Variants in KCNIP1 observed in about 807,000 individuals in gnomAD.
KCNIP1 encodes potassium voltage-gated channel interacting protein 1, also known as A-type potassium channel modulatory protein KCNIP1.
Under a neutral mutation model 33.0 loss-of-function variants are expected in KCNIP1, and 18 were observed. The observed-to-expected ratio is 0.55, with a 90% CI of 0.38 to 0.81. The LOEUF (loss-of-function observed/expected upper bound fraction) is 0.81. Among genes scored for constraint, KCNIP1 ranks in the 30% least tolerant of loss-of-function variants. The pLI, the probability that KCNIP1 is intolerant of heterozygous loss-of-function variation, is 0.00. For synonymous variants in KCNIP1, 93 were observed against 98.3 expected, an observed-to-expected ratio of 0.95 and a Z score of 0.32; for missense variants, 238 against 271.6, an observed-to-expected ratio of 0.88 and a Z score of 0.87.
At chr5:170,539,404 G>T (rs114137839) in intron 1 of KCNIP1, among the ~76,000 whole-genome samples, 1 of 152,112 alleles carries the variant, frequency 6.6e-6, no homozygotes, top group African/African-American at 2.4e-5. Context: ...CACTGGCTGT[G>T]GCTTCCTTGC....
chr5:170,651,232 G>T (rs1581447722), intron 1 of KCNIP1, among the ~76,000 whole-genome samples: 2 of 152,296 alleles, frequency 1.3e-5, no homozygotes, highest in African/African-American at 4.8e-5. Context: ...GAGAGGCAGT[G>T]GGTACCCCTC....
intron 1 of KCNIP1, among the ~76,000 whole-genome samples, chr5:170,436,489 T>G (rs910273996): frequency 2.0e-5 from 3 of 152,206 alleles, no homozygotes; most frequent in Non-Finnish European, 4.4e-5. Flanking sequence ...TTCTCAGTCT[T>G]GGGTCAGCAC....
intron 1 of KCNIP1, among the ~76,000 whole-genome samples, chr5:170,538,249 C>T (rs1412587494): frequency 2.6e-5 from 4 of 152,186 alleles, no homozygotes; most frequent in Admixed American, 1.3e-4. Flanking sequence ...GAAGTGTCCT[C>T]CTCACAACTG....
rs184303782 is a variant in KCNIP1 at position 170,631,828 on chromosome 5, C to A, written c.62-86930C>A. Among the ~76,000 whole-genome samples, 6 of 152,330 alleles carry A rather than the reference C, an allele frequency of 3.9e-5. No individual in the cohort carries two copies. In the East Asian group the frequency reaches 1.2e-3, roughly 29 times the overall value. On this transcript the variant is annotated intron_variant, in intron 1 of 7. Coordinates refer to ENST00000328939, the MANE Select transcript of KCNIP1 (RefSeq NM_014592.4). ...ACTAGAGACCTGGGCCAGTCCTGAC[C>A]AGGGGAAAGAGTAGCGCCGACAACA...
intron 1 of KCNIP1, among the ~76,000 whole-genome samples, chr5:170,573,669 A>G (rs1466102270): frequency 6.6e-6 from 1 of 152,222 alleles, no homozygotes; most frequent in South Asian, 2.1e-4. Context: ...GAAAAATAAT[A>G]TTTCATGACA....
At chr5:170,650,353 A>G (rs2113719963) in intron 1 of KCNIP1, among the ~76,000 whole-genome samples, 1 of 147,476 alleles carries the variant, frequency 6.8e-6, no homozygotes, top group East Asian at 2.0e-4. Flanking sequence ...CCCCCACCTC[A>G]GGTAACACTG....
intron 1 of KCNIP1, chr5:170,379,086 G>A: frequency 4.6e-6 from 6 of 1,303,722 alleles, no homozygotes; most frequent in South Asian, 2.9e-5. Context: ...CTGGATTGGA[G>A]TCGGGGCTTT....
At chr5:170,475,060 T>C (rs1189633270) in intron 1 of KCNIP1, among the ~76,000 whole-genome samples, 1 of 152,196 alleles carries the variant, frequency 6.6e-6, no homozygotes, top group Non-Finnish European at 1.5e-5. Context: ...GATTGGTCTA[T>C]TTTACAAACC....
intron 1 of KCNIP1, chr5:170,385,283 G>T (rs757538109): frequency 1.4e-5 from 23 of 1,611,456 alleles, no homozygotes; most frequent in Non-Finnish European, 1.8e-5. Context: ...GGAGAGGGTT[G>T]GGGGGTGGGC....
exon 1 of KCNIP1, chr5:170,353,629 T>C (rs1763269334): frequency 1.8e-6 from 1 of 564,302 alleles, no homozygotes; most frequent in South Asian, 2.1e-5. Context: ...GGTCCTCCCG[T>C]GGTGAGGACT....
chr5:170,713,881 G>A (rs560533359), intron 1 of KCNIP1, among the ~76,000 whole-genome samples: 53 of 152,138 alleles, frequency 3.5e-4, no homozygotes, highest in East Asian at 1.2e-3. Context: ...AAAATTAGCC[G>A]GGCATGGTGG....
chr5:170,714,560 G>A (rs1047478749), intron 1 of KCNIP1, among the ~76,000 whole-genome samples: 6 of 152,104 alleles, frequency 3.9e-5, no homozygotes, highest in Admixed American at 1.3e-4. Context: ...CACAATTGTG[G>A]TCCCATAAGA....
chr5:170,635,368 T>A (rs1760241179), intron 1 of KCNIP1, among the ~76,000 whole-genome samples: 1 of 152,218 alleles, frequency 6.6e-6, no homozygotes, highest in Non-Finnish European at 1.5e-5. Flanking sequence ...AGAGTCTCTT[T>A]CAGTTCTGAA....
At chr5:170,585,273 C>T (rs1757945134) in intron 1 of KCNIP1, among the ~76,000 whole-genome samples, 1 of 152,160 alleles carries the variant, frequency 6.6e-6, no homozygotes, top group African/African-American at 2.4e-5. Context: ...TGAGAACTCC[C>T]TCATTTTTCA....
rs144311998 is a variant in KCNIP1 at position 170,388,692 on chromosome 5, C to T, written c.88+34728C>T. On this transcript the variant is annotated intron_variant, in intron 1 of 7. Coordinates refer to the KCNIP1 transcript ENST00000377360. Reference sequence around the variant, plus strand: ...ACAGTTTGGTGGGGTGTGGACAGGGCGATTCTGAGGTCCTCAGACATGGAA... The same window carrying T: ...ACAGTTTGGTGGGGTGTGGACAGGGTGATTCTGAGGTCCTCAGACATGGAA... Among the ~76,000 whole-genome samples, 138 of 152,184 alleles carry T rather than the reference C, an allele frequency of 9.1e-4. 1 individual carries two copies. In the Middle Eastern group the frequency reaches 0.01, roughly 11 times the overall value.
chr5:170,400,453 T>C (rs1754873430), intron 1 of KCNIP1, among the ~76,000 whole-genome samples: 1 of 152,200 alleles, frequency 6.6e-6, no homozygotes. Context: ...ACTTCCCCCA[T>C]GATCCAATCA....
At chr5:170,386,789 G>C (rs771293556) in intron 1 of KCNIP1, among the ~76,000 whole-genome samples, 38 of 151,922 alleles carry the variant, frequency 2.5e-4, no homozygotes, top group Non-Finnish European at 5.3e-4. Flanking sequence ...AGGGCTTGAA[G>C]CCACCTGGGA....
At chr5:170,454,041 A>T (rs1399652156) in intron 1 of KCNIP1, among the ~76,000 whole-genome samples, 1 of 152,236 alleles carries the variant, frequency 6.6e-6, no homozygotes, top group East Asian at 1.9e-4. Flanking sequence ...CTGTCACATC[A>T]TAAAGGTATG....
At chr5:170,498,027 C>T (rs768932346) in intron 1 of KCNIP1, among the ~76,000 whole-genome samples, 7 of 152,350 alleles carry the variant, frequency 4.6e-5, no homozygotes, top group South Asian at 2.1e-4. Context: ...CATGATCAAC[C>T]GGGACAGATG....
Sources: allele counts gnomAD v4.1 joint callset (sites outside exome capture counted in the v4.1 genomes callset), GRCh38; gene constraint gnomAD v4.1.1; transcripts MANE v1.5; gene names NCBI Gene and HGNC (gene_info 2026-07-23, HGNC 2026-07-21).